The following SRD5A1 variants were observed in gnomAD, a reference collection of about 807,000 sequenced individuals.
The protein encoded by SRD5A1 is 3-oxo-5-alpha-steroid 4-dehydrogenase 1.
A neutral mutation model predicts 28.2 loss-of-function variants in SRD5A1; 22 were observed. The observed-to-expected ratio is 0.78, with a 90% CI of 0.56 to 1.12. The LOEUF is 1.12. Among genes scored for constraint, SRD5A1 ranks in the 50% most tolerant of loss-of-function variants. The pLI is 0.00. For missense variants in SRD5A1, 300 were observed against 346.7 expected (o/e 0.87, Z 1.07); for synonymous variants, 151 against 135.0 (o/e 1.12, Z -0.82).
At chr5:6,654,793 T>A (rs1260133754) in intron 2 of SRD5A1, among the ~76,000 whole-genome samples, 1 of 152,226 alleles carries the variant, frequency 6.6e-6, no homozygotes, top group East Asian at 1.9e-4. Flanking sequence ...AAGTACTAGT[T>A]TTCTTCCAAT....
intron 2 of SRD5A1, chr5:6,653,444 A>G (rs1738745877): frequency 6.6e-6 from 1 of 152,208 alleles, no homozygotes; most frequent in South Asian, 2.1e-4. Flanking sequence ...CCTACCTGTC[A>G]AGAGGAAGAA....
At chr5:6,652,818 A>G (rs555257) in intron 2 of SRD5A1, among the ~76,000 whole-genome samples, 123,008 of 150,014 alleles carry the variant, frequency 0.82, 50,924 homozygotes, top group African/African-American at 0.93. Flanking sequence ...AGGCTGCAGT[A>G]AGCCATGATT....
In SRD5A1 at chr5:6,670,968, T is replaced by G. The variant is rs1739343591; in HGVS notation, c.*2700T>G. 1 of 152,242 alleles carries G rather than the reference T, an allele frequency of 6.6e-6. No homozygotes were observed. The highest frequency in any genetic ancestry group is 1.5e-5 in the Non-Finnish European group (1 of 68,044). The allele number at this position is 152,242 out of a possible 1,614,324, so 9.4% of individuals were successfully genotyped here. ...TGTGAATTGTGCTGCTATAAACATG[T>G]GCGTGCAAGTATCTTTTTTTGAATA... On this transcript the variant is annotated 3_prime_UTR_variant, in exon 5 of 5. Transcript: ENST00000274192.
chr5:6,664,127 C>G (rs1426793956), intron 4 of SRD5A1, among the ~76,000 whole-genome samples: 1 of 152,102 alleles, frequency 6.6e-6, no homozygotes, highest in Non-Finnish European at 1.5e-5. Context: ...TTACTATGTC[C>G]CCTGAGCCAC....
chr5:6,640,815 C>T (rs947314216), intron 1 of SRD5A1, among the ~76,000 whole-genome samples: 3 of 152,214 alleles, frequency 2.0e-5, no homozygotes, highest in African/African-American at 7.2e-5. Context: ...TATTCGTTAG[C>T]TTGTAATCAG....
chr5:6,667,365 G>A lies in SRD5A1; in HGVS notation c.714-837G>A, dbSNP rs549936999. 1.4e-4 allele frequency among the ~76,000 whole-genome samples: 21 copies of A among 152,300 alleles called. No homozygotes were observed. The South Asian group carries it at 3.1e-3, about 23-fold the overall frequency. On this transcript the variant is annotated intron_variant, in intron 4 of 4. Coordinates refer to ENST00000274192, the MANE Select transcript of SRD5A1 (RefSeq NM_001047.4). ...TTCGAATTCTCTATTTGTGGATTCC[G>A]GTGTTAAACTTAACTAAGACCAGCA...
rs1739369916 is a variant in SRD5A1 at position 6,671,874 on chromosome 5, T to G, written c.*3606T>G. The G allele has an allele frequency of 6.6e-6, 1 of 152,286 alleles. No individual in the cohort carries two copies. Among genetic ancestry groups the G allele is most frequent in the East Asian group, 1.9e-4 (1 of 5,198 alleles). The allele number at this position is 152,286 out of a possible 1,614,324, so 9.4% of individuals were successfully genotyped here. A position where few individuals can be genotyped will look rare whatever the true frequency, so the allele number is the denominator to read the frequency against. On this transcript the variant is annotated 3_prime_UTR_variant, in exon 5 of 5. Transcript: ENST00000274192. The stretch of plus-strand genomic sequence containing the variant: ...CTATTCCAGGTCCTCTCTCCACCAC[T>G]GAGCCTCGTGGGGACATAAAGAGCT...
At chr5:6,639,092 G>A (rs896596319) in intron 1 of SRD5A1, among the ~76,000 whole-genome samples, 2 of 152,188 alleles carry the variant, frequency 1.3e-5, no homozygotes, top group African/African-American at 4.8e-5. Flanking sequence ...ATCATTTGCT[G>A]AATAAATGCC....
chr5:6,633,986 C>G (rs1324073170), intron 1 of SRD5A1, 117 bp downstream of exon 1: 8 of 1,116,682 alleles, frequency 7.2e-6, no homozygotes, highest in Non-Finnish European at 9.0e-6. Flanking sequence ...TGCCCTCTCC[C>G]TGCCAGATCC....
chr5:6,664,471 C>G (rs938342169), intron 4 of SRD5A1, among the ~76,000 whole-genome samples: 2 of 152,170 alleles, frequency 1.3e-5, no homozygotes, highest in Admixed American at 1.3e-4. Context: ...GTGGCACAAT[C>G]TCAGCTCACT....
intron 1 of SRD5A1, among the ~76,000 whole-genome samples, chr5:6,644,151 T>C (rs544247984): frequency 6.6e-6 from 1 of 152,352 alleles, no homozygotes; most frequent in Non-Finnish European, 1.5e-5. Context: ...ATGGGTGACA[T>C]CCAATGCAGA....
intron 1 of SRD5A1, among the ~76,000 whole-genome samples, chr5:6,636,296 C>T (rs977027384): frequency 2.0e-5 from 3 of 152,208 alleles, no homozygotes; most frequent in Non-Finnish European, 4.4e-5. Context: ...CCCCTGGAAG[C>T]GTCCTGGAGC....
chr5:6,661,747 G>A (rs1191610088), intron 3 of SRD5A1, among the ~76,000 whole-genome samples: 1 of 152,044 alleles, frequency 6.6e-6, no homozygotes, highest in East Asian at 1.9e-4. Flanking sequence ...TGGCCAGGCT[G>A]GTCTCCAACT....
At chr5:6,656,024 A>C in intron 2 of SRD5A1, 54 bp from the exon 3 acceptor site, 4 of 1,329,018 alleles carry the variant, frequency 3.0e-6, no homozygotes, top group Non-Finnish European at 4.3e-6. Flanking sequence ...TGGGGCTCGT[A>C]GTGAAATTTT....
intron 3 of SRD5A1, among the ~76,000 whole-genome samples, chr5:6,660,488 C>T (rs965065481): frequency 6.6e-6 from 1 of 152,218 alleles, no homozygotes; most frequent in Non-Finnish European, 1.5e-5. Context: ...TGATGAAATA[C>T]AGATCATGAT....
chr5:6,633,888 G>T lies in SRD5A1; in HGVS notation c.293+19G>T. On this transcript the variant is annotated intron_variant, in intron 1 of 4. Coordinates refer to ENST00000274192, the MANE Select transcript of SRD5A1 (RefSeq NM_001047.4). ...GGCATCGGTAACGTCCCCGGCCCCC[G>T]GCCCCCTACCCTACTCCCGGCCCGG... is the stretch of plus-strand genomic sequence containing the variant. The T allele has an allele frequency of 6.3e-7, 1 of 1,595,928 alleles. No homozygotes were observed. Among genetic ancestry groups the T allele is most frequent in the Non-Finnish European group, 8.5e-7 (1 of 1,178,730 alleles).
intron 3 of SRD5A1, among the ~76,000 whole-genome samples, chr5:6,660,024 A>G (rs188706541): frequency 1.8e-4 from 28 of 152,298 alleles, no homozygotes; most frequent in African/African-American, 5.8e-4. Context: ...TCTGTTAATC[A>G]TGGTGCCATA....
intron 1 of SRD5A1, among the ~76,000 whole-genome samples, chr5:6,639,330 C>G (rs1235714387): frequency 6.6e-6 from 1 of 152,194 alleles, no homozygotes; most frequent in Non-Finnish European, 1.5e-5. Flanking sequence ...AGTCTTTCCC[C>G]TTTGGAGCAG....
Position 6,668,286 on chromosome 5 carries a change from T to A in SRD5A1, c.*18T>A. The A allele has an allele frequency of 6.8e-7, 1 of 1,465,128 alleles. No homozygotes were observed. Among genetic ancestry groups the A allele is most frequent in the Non-Finnish European group, 9.4e-7 (1 of 1,059,010 alleles). The allele number at this position is 1,465,128 out of a possible 1,614,324, so 90.8% of individuals were successfully genotyped here. On this transcript the variant is annotated 3_prime_UTR_variant, in exon 5 of 5. Transcript: ENST00000274192. The stretch of plus-strand genomic sequence containing the variant: ...TGTTTTAAGTGCGTTTTTCATGAAA[T>A]TATCTTCAACTTGAAGCTTTCCAAT...
Sources: gnomAD v4.1 joint callset for allele counts (sites outside exome capture counted in the v4.1 genomes callset) on GRCh38, gnomAD v4.1.1 for gene constraint, MANE v1.5 for transcripts, NCBI Gene and HGNC (gene_info 2026-07-23, HGNC 2026-07-21) for gene names.